The following ZNF330 variants were observed in gnomAD, a reference collection of about 807,000 sequenced individuals.
ZNF330 encodes the protein zinc finger protein 330.
ZNF330 carries 31 observed loss-of-function variants against 45.5 expected under a neutral mutation model. The ratio of observed to expected loss-of-function variants is 0.68; its 90% CI spans 0.51 to 0.92. The LOEUF is 0.92. Ranked by LOEUF, ZNF330 falls within the 40% of genes least tolerant of loss-of-function variation. The pLI is 0.00. For missense variants in ZNF330, 356 were observed against 387.4 expected (o/e 0.92, Z 0.68); for synonymous variants, 138 against 123.2 (o/e 1.12, Z -0.79).
At chr4:141,230,787 T>C (rs972806960) in intron 7 of ZNF330, among the ~76,000 whole-genome samples, 6 of 152,164 alleles carry the variant, frequency 3.9e-5, no homozygotes, top group Admixed American at 2.0e-4. Flanking sequence ...GCCAGGCACC[T>C]GTATTTAACC....
At chr4:141,229,465 G>T in intron 5 of ZNF330, 106 bp from the exon 6 acceptor site, 2 of 1,425,952 alleles carry the variant, frequency 1.4e-6, no homozygotes, top group Non-Finnish European at 1.9e-6. Context: ...ATCATTGAGG[G>T]TTGATAAATT....
At chr4:141,222,312 A>G in intron 1 of ZNF330, 54 bp from the exon 2 acceptor site, 2 of 1,576,816 alleles carry the variant, frequency 1.3e-6, no homozygotes, top group South Asian at 2.3e-5. Flanking sequence ...GTTTATTAAA[A>G]TAGTAAATGC....
chr4:141,229,719 A>G (rs778032612), intron 6 of ZNF330, 22 bp downstream of exon 6: 3 of 1,612,364 alleles, frequency 1.9e-6, no homozygotes, highest in East Asian at 4.5e-5. Context: ...GACACAAGTA[A>G]TGAGCTTTGT....
chr4:141,231,386 G>A (rs1728951137), intron 7 of ZNF330, 53 bp from the exon 8 acceptor site: 2 of 1,524,646 alleles, frequency 1.3e-6, no homozygotes, highest in East Asian at 2.4e-5. Context: ...AAAGACAAAA[G>A]AAAATTCTAA....
In ZNF330 at chr4:141,234,400, C is replaced by A. The variant is rs2111263723; in HGVS notation, c.*411C>A. 1 of 154,754 alleles carries A rather than the reference C, an allele frequency of 6.5e-6. No individual in the cohort carries two copies. The highest frequency in any genetic ancestry group is 6.4e-5 in the Admixed American group (1 of 15,582). The allele number at this position is 154,754 out of a possible 1,614,324, so 9.6% of individuals were successfully genotyped here. A position where few individuals can be genotyped will look rare whatever the true frequency, so the allele number is the denominator to read the frequency against. The stretch of plus-strand genomic sequence containing the variant: ...AAAATGTAATGAGTAAAATGAATTA[C>A]TGTATTTTTCCTTTTATGTCCACAG... On this transcript the variant is annotated 3_prime_UTR_variant, in exon 10 of 10. Coordinates refer to ENST00000262990, the MANE Select transcript of ZNF330 (RefSeq NM_014487.6).
chr4:141,229,505 G>T, intron 5 of ZNF330, 66 bp from the exon 6 acceptor site: 1 of 1,597,102 alleles, frequency 6.3e-7, no homozygotes, highest in South Asian at 1.1e-5. Context: ...GATGGTTGCC[G>T]TGGTTAAAGA....
At chr4:141,222,606 T>A (rs747269365) in intron 2 of ZNF330, 115 bp downstream of exon 2, 132 of 1,127,336 alleles carry the variant, frequency 1.2e-4, no homozygotes, top group Admixed American at 4.7e-4. Flanking sequence ...AGTTTGTTGC[T>A]GAATTTAGTA....
chr4:141,222,724 A>G, intron 2 of ZNF330: 1 of 303,258 alleles, frequency 3.3e-6, no homozygotes, highest in East Asian at 5.5e-5. Flanking sequence ...ATAAAGGTAG[A>G]TATTGGACAA....
intron 8 of ZNF330, 22 bp from the exon 9 acceptor site, chr4:141,232,503 T>C: frequency 1.5e-6 from 2 of 1,309,224 alleles, no homozygotes; most frequent in Non-Finnish European, 1.0e-6. Flanking sequence ...TTTATTTACT[T>C]TATTTTGCTT....
chr4:141,223,412 A>G (rs537311452), intron 2 of ZNF330, among the ~76,000 whole-genome samples: 2 of 152,292 alleles, frequency 1.3e-5, no homozygotes, highest in Non-Finnish European at 2.9e-5. Flanking sequence ...TTGTAGTTCT[A>G]TCTTTTGCTT....
intron 4 of ZNF330, 26 bp from the exon 5 acceptor site, chr4:141,226,741 A>G: frequency 6.3e-7 from 1 of 1,588,476 alleles, no homozygotes; most frequent in Non-Finnish European, 8.6e-7. Context: ...TGCAAGACTA[A>G]CAGTGCAAAT....
intron 6 of ZNF330, 94 bp downstream of exon 6, chr4:141,229,791 C>T: frequency 6.8e-7 from 1 of 1,478,054 alleles, no homozygotes; most frequent in South Asian, 1.2e-5. Context: ...TTTCAGGATA[C>T]TGTCAATCCT....
At chr4:141,221,748 T>TAA (rs1290510349) in intron 1 of ZNF330, among the ~76,000 whole-genome samples, 4 of 151,792 alleles carry the variant, frequency 2.6e-5, no homozygotes, top group Non-Finnish European at 5.9e-5. Context: ...TGAACCCCGT[T>TAA]AAAATTACAT....
intron 2 of ZNF330, chr4:141,223,745 A>G (rs1728738685): frequency 2.2e-6 from 1 of 456,114 alleles, no homozygotes; most frequent in Admixed American, 2.3e-5. Flanking sequence ...AAGTGCTTCA[A>G]TAAAGGTACA....
rs1403622485 is a variant in ZNF330, at chr4:141,229,627, T to C, written c.348T>C (p.Ser116=). The part of the protein sequence containing the change: ...AWVCHGRKCL[S]THACACPLTD... ...TTTGCCATGGTAGGAAATGTCTCAG[T>C]ACACATGCTTGTGCCTGCCCTCTTA... The change falls in exon 6 of 10, where the codon AGT becomes AGC. Residue 116 remains serine (S), a synonymous_variant. Coordinates refer to ENST00000262990, the MANE Select transcript of ZNF330 (RefSeq NM_014487.6). 1 of 1,613,256 alleles carries C rather than the reference T, an allele frequency of 6.2e-7. No individual in the cohort carries two copies. The highest frequency in any genetic ancestry group is 1.1e-5 in the South Asian group (1 of 91,066).
At chr4:141,230,614 A>G (rs1422114981) in intron 7 of ZNF330, among the ~76,000 whole-genome samples, 1 of 152,074 alleles carries the variant, frequency 6.6e-6, no homozygotes, top group Non-Finnish European at 1.5e-5. Context: ...TCCCATTTCC[A>G]AATGCCCTCC....
chr4:141,224,402 A>T, intron 2 of ZNF330, 85 bp from the exon 3 acceptor site: 1 of 1,306,978 alleles, frequency 7.7e-7, no homozygotes, highest in Non-Finnish European at 1.1e-6. Context: ...TTTTAACCTG[A>T]AAAGCAGGTT....
rs1477384801 is a variant in ZNF330, at chr4:141,221,087, G to T, written c.-28G>T. The T allele has an allele frequency of 6.6e-6, 1 of 152,288 alleles. No homozygotes were observed. The highest frequency in any genetic ancestry group is 1.5e-5 in the Non-Finnish European group (1 of 68,076). The allele number at this position is 152,288 out of a possible 1,614,324, so 9.4% of individuals were successfully genotyped here. On this transcript the variant is annotated 5_prime_UTR_variant, in exon 1 of 10. Coordinates refer to ENST00000262990, the MANE Select transcript of ZNF330 (RefSeq NM_014487.6). ...CGGTCTCCCGGCGAAAGTGAGCGAGGTTTGCCCGGAGCGCGCACGAGGTAG... is the reference window on the plus strand; with the variant it reads ...CGGTCTCCCGGCGAAAGTGAGCGAGTTTTGCCCGGAGCGCGCACGAGGTAG...
At chr4:141,227,852 A>G (rs932393429) in intron 5 of ZNF330, among the ~76,000 whole-genome samples, 1 of 152,112 alleles carries the variant, frequency 6.6e-6, no homozygotes, top group Non-Finnish European at 1.5e-5. Flanking sequence ...TACATATAGG[A>G]TTTTTTAAAG....
Sources: gnomAD v4.1 joint callset for allele counts (sites outside exome capture counted in the v4.1 genomes callset) on GRCh38, gnomAD v4.1.1 for gene constraint, MANE v1.5 for transcripts, NCBI Gene and HGNC (gene_info 2026-07-23, HGNC 2026-07-21) for gene names.